SYS1: variants seen among roughly 807,000 people sequenced by gnomAD.
The protein encoded by SYS1 is protein SYS1 homolog.
Under a neutral mutation model 17.8 loss-of-function variants are expected in SYS1, and 8 were observed. That is an observed-to-expected ratio of 0.45 (90% CI 0.26 to 0.81). The LOEUF (loss-of-function observed/expected upper bound fraction) is 0.81. Ranked by LOEUF, SYS1 falls within the 40% of genes least tolerant of loss-of-function variation. SYS1 has a pLI of 0.16. For synonymous variants in SYS1, 95 were observed against 90.9 expected (o/e 1.05, Z -0.26); for missense variants, 161 against 203.9 (o/e 0.79, Z 1.28).
At chr20:45,374,051 C>T, downstream of SYS1, 3 of 1,599,306 alleles carry the variant, frequency 1.9e-6, no homozygotes, top group Non-Finnish European at 2.6e-6. Context: ...TAAGACTGTC[C>T]CCAGGGGGCG....
At chr20:45,373,578 G>A, downstream of SYS1, 3 of 390,808 alleles carry the variant, frequency 7.7e-6, no homozygotes, top group Non-Finnish European at 1.4e-5. Context: ...GAGTGAGCCT[G>A]GGCAAGTTAC....
chr20:45,374,334 G>A (rs909178620), exon 4 of SYS1: 22 of 682,758 alleles, frequency 3.2e-5, no homozygotes, highest in Middle Eastern at 7.4e-4. Flanking sequence ...GTGCAGTGGC[G>A]AAGTCACAGC....
At chr20:45,363,796 T>G in intron 2 of SYS1, 103 bp downstream of exon 2, 8 of 1,271,182 alleles carry the variant, frequency 6.3e-6, no homozygotes, top group Non-Finnish European at 8.5e-6. Context: ...CCTTCTTTCT[T>G]TGTAGCCCTG....
At chr20:45,376,228 G>A (rs762237359) in exon 4 of SYS1, 3 of 152,232 alleles carry the variant, frequency 2.0e-5, no homozygotes, top group Non-Finnish European at 4.4e-5. Context: ...ATTAAATGCT[G>A]AGACTTTCCC....
Position 45,366,866 on chromosome 20 carries a change from T to C in SYS1, c.231-9T>C, listed in dbSNP as rs1020791211. 42 of 1,613,138 alleles carry C rather than the reference T, an allele frequency of 2.6e-5. No homozygotes were observed. Among genetic ancestry groups the C allele is most frequent in the Non-Finnish European group, 3.1e-5 (37 of 1,179,280 alleles). ...CCAGTGACAACTCACTGCTGTCCTC[T>C]CCCCACAGTGCCCTGGGCTTGCTGT... On this transcript the variant is annotated splice_polypyrimidine_tract_variant and intron_variant, in intron 3 of 3. Transcript: ENST00000243918.
chr20:45,363,467 G>T, intron 1 of SYS1, 62 bp from the exon 2 acceptor site: 1 of 1,521,002 alleles, frequency 6.6e-7, no homozygotes. Flanking sequence ...CCCTCCTCCC[G>T]GGCGGGGCGA....
exon 4 of SYS1, chr20:45,374,382 C>CG: frequency 1.6e-6 from 1 of 630,552 alleles, no homozygotes; most frequent in South Asian, 1.8e-5. Context: ...AGCGATCCTC[C>CG]GACCTCAGCC....
At chr20:45,369,596 CTTTTTTT>C (rs573922300), downstream of SYS1, among the ~76,000 whole-genome samples, 260 of 102,860 alleles carry the variant, frequency 2.5e-3, 1 homozygote, top group South Asian at 0.011. Flanking sequence ...CAGAGATTTC[CTTTTTTT>C]TTTTTTTTTT....
At position 45,367,667 on chromosome 20, in the gene SYS1, G is replaced by A. The variant is rs1422679331; in HGVS notation, c.*552G>A. Reference sequence around the variant, plus strand: ...TGTCAGGGAGAGGATGGCAGATGGAGGCATCAAGCACAAGGAAAATGCACA... The same window carrying A: ...TGTCAGGGAGAGGATGGCAGATGGAAGCATCAAGCACAAGGAAAATGCACA... On this transcript the variant is annotated 3_prime_UTR_variant, in exon 4 of 4. Transcript: ENST00000243918. The A allele has an allele frequency of 1.0e-6, 1 of 990,938 alleles. No individual in the cohort carries two copies. Among genetic ancestry groups the A allele is most frequent in the Non-Finnish European group, 1.2e-6 (1 of 832,962 alleles). 61.4% of individuals were successfully genotyped at this position (990,938 alleles called of 1,614,324 possible).
chr20:45,363,142 C>T (rs942886828), upstream of SYS1: 13 of 1,021,276 alleles, frequency 1.3e-5, no homozygotes, highest in African/African-American at 1.4e-4. Context: ...CCGCTGCTTT[C>T]CCCGGAAACG....
Position 45,363,284 on chromosome 20 carries a change from C to A in SYS1, c.-35C>A. ...AGCCCGCCGGTGAGGCCGGGCCACGCTCAGACACTTCGATCGTCGAGTCTG... is the reference window on the plus strand; with the variant it reads ...AGCCCGCCGGTGAGGCCGGGCCACGATCAGACACTTCGATCGTCGAGTCTG... On this transcript the variant is annotated 5_prime_UTR_variant, in exon 1 of 4. Coordinates refer to ENST00000243918, the MANE Select transcript of SYS1 (RefSeq NM_033542.4). The A allele has an allele frequency of 7.6e-7, 1 of 1,313,420 alleles. No individual in the cohort carries two copies. The highest frequency in any genetic ancestry group is 9.7e-7 in the Non-Finnish European group (1 of 1,027,652). 81.4% of individuals were successfully genotyped at this position (1,313,420 alleles called of 1,614,324 possible).
At chr20:45,374,844 A>G (rs1988672893) in exon 4 of SYS1, 1 of 689,960 alleles carries the variant, frequency 1.4e-6, no homozygotes, top group South Asian at 2.1e-5. Flanking sequence ...AGACGCCTCA[A>G]CCTAGTCACT....
chr20:45,369,370 G>A (rs768075863), downstream of SYS1, among the ~76,000 whole-genome samples: 1 of 152,062 alleles, frequency 6.6e-6, no homozygotes, highest in African/African-American at 2.4e-5. Context: ...GCCAGGATTT[G>A]GGCTCTAATA....
rs1988500083 is a variant in SYS1 at position 45,368,929 on chromosome 20, A to G, written c.*1814A>G. ...GGATTCACTTCAAGGTCTTGTGCCT[A>G]TTTTTCTGCATATCTTCTGTGATGA... On this transcript the variant is annotated 3_prime_UTR_variant, in exon 4 of 4. Transcript: ENST00000243918. 1.1e-6 allele frequency: 1 copy of G among 936,002 alleles called. No homozygotes were observed. The highest frequency in any genetic ancestry group is 1.3e-6 in the Non-Finnish European group (1 of 784,824). 58.0% of individuals were successfully genotyped at this position (936,002 alleles called of 1,614,324 possible). A position where few individuals can be genotyped will look rare whatever the true frequency, so the allele number is the denominator to read the frequency against.
Position 45,374,268 on chromosome 20 carries a change from C to T in SYS1, c.*-26C>T. The T allele has an allele frequency of 5.7e-6, 4 of 697,680 alleles. No individual in the cohort carries two copies. The South Asian group carries it at 6.0e-5, about 10-fold the overall frequency. The allele number at this position is 697,680 out of a possible 1,614,324, so 43.2% of individuals were successfully genotyped here. On this transcript the variant is annotated intron_variant, in intron 3 of 3. Transcript: ENST00000426004. ...AAGGAACTTTCTGCTCAGAGTAAAT[C>T]TTTTTTTCCTTTCTTTTTTTTTAAG...
upstream of SYS1, chr20:45,363,116 C>T: frequency 4.0e-6 from 4 of 1,012,554 alleles, no homozygotes; most frequent in Non-Finnish European, 4.7e-6. Context: ...GCCTGCGCAA[C>T]CTCAGCCCCG....
chr20:45,372,131 CAA>C (rs1988573528), downstream of SYS1, among the ~76,000 whole-genome samples: 1 of 152,156 alleles, frequency 6.6e-6, no homozygotes, highest in African/African-American at 2.4e-5. Flanking sequence ...AATGGTTAAA[CAA>C]AGAGAGGGTG....
chr20:45,373,915 A>G (rs147874701), downstream of SYS1: 478 of 1,613,718 alleles, frequency 3.0e-4, 1 homozygote, highest in Non-Finnish European at 3.9e-4. Flanking sequence ...TCTTATTTGT[A>G]GACTCGTGAA....
exon 4 of SYS1, chr20:45,375,305 A>C: frequency 6.2e-7 from 1 of 1,614,124 alleles, no homozygotes; most frequent in South Asian, 1.1e-5. Context: ...CCAGGGTTCA[A>C]GCTATCATCC....
Sources: allele counts gnomAD v4.1 joint callset (sites outside exome capture counted in the v4.1 genomes callset), GRCh38; gene constraint gnomAD v4.1.1; transcripts MANE v1.5; gene names NCBI Gene and HGNC (gene_info 2026-07-23, HGNC 2026-07-21).